GALNT13: variants seen among roughly 807,000 people sequenced by gnomAD.
GALNT13 encodes the protein polypeptide N-acetylgalactosaminyltransferase 13.
GALNT13 carries 28 observed loss-of-function variants against 64.2 expected under a neutral mutation model. That is an observed-to-expected ratio of 0.44 (90% CI 0.32 to 0.60). The LOEUF is 0.60. Among genes scored for constraint, GALNT13 ranks in the 20% least tolerant of loss-of-function variants. The pLI is 0.05. For missense variants in GALNT13, 577 were observed against 669.8 expected (o/e 0.86, Z 1.53); for synonymous variants, 214 against 224.6 (o/e 0.95, Z 0.42).
intron 4 of GALNT13, among the ~76,000 whole-genome samples, chr2:154,173,542 T>C (rs543471008): frequency 6.6e-6 from 1 of 151,758 alleles, no homozygotes; most frequent in East Asian, 1.9e-4. Context: ...CAAAGAAAAA[T>C]AGACAAATGA....
the GALNT13 span, among the ~76,000 whole-genome samples, chr2:153,122,201 T>C: frequency 6.6e-6 from 1 of 151,926 alleles, no homozygotes; most frequent in Non-Finnish European, 1.5e-5. Context: ...ACTTTACCTA[T>C]TGTTTACTGT....
At chr2:154,001,814 G>A (rs1695928360) in intron 3 of GALNT13, among the ~76,000 whole-genome samples, 1 of 151,978 alleles carries the variant, frequency 6.6e-6, no homozygotes, top group African/African-American at 2.4e-5. Flanking sequence ...TCAAATGGAA[G>A]GACTCCTTTT....
the GALNT13 span, among the ~76,000 whole-genome samples, chr2:153,118,147 C>CACACACACACA: frequency 0.11 from 15,044 of 140,098 alleles, 1,138 homozygotes; most frequent in African/African-American, 0.14. Context: ...ACACACACAC[C>CACACACACACA]CCACATAAAC....
At chr2:153,678,176 TCCA>T in the GALNT13 span, among the ~76,000 whole-genome samples, 1 of 138,176 alleles carries the variant, frequency 7.2e-6, no homozygotes, top group South Asian at 2.2e-4. Context: ...TATATATATA[TCCA>T]ATATATCCAA....
intron 7 of GALNT13, among the ~76,000 whole-genome samples, chr2:154,250,004 G>C (rs913099509): frequency 2.0e-5 from 3 of 151,996 alleles, no homozygotes; most frequent in African/African-American, 7.2e-5. Context: ...ATTCTAGTGT[G>C]ATCATAGAAG....
chr2:153,408,846 G>A, the GALNT13 span, among the ~76,000 whole-genome samples: 1 of 152,074 alleles, frequency 6.6e-6, no homozygotes, highest in East Asian at 1.9e-4. Flanking sequence ...TGCCAAAGGA[G>A]CTTAACATTT....
the GALNT13 span, among the ~76,000 whole-genome samples, chr2:153,342,682 C>G: frequency 6.6e-6 from 1 of 152,180 alleles, no homozygotes; most frequent in Non-Finnish European, 1.5e-5. Flanking sequence ...TTTTCTCCCT[C>G]CTCTTCCTGC....
In GALNT13 at chr2:154,113,684, C is replaced by CCAAT. The variant is rs368049285; in HGVS notation, c.143-26650_143-26647dup. Among the ~76,000 whole-genome samples the CCAAT allele has an allele frequency of 2.5e-3, 374 of 152,282 alleles. 3 individuals are homozygous for CCAAT. The highest frequency in any genetic ancestry group is 8.2e-3 in the African/African-American group (341 of 41,558). ...GTTTGCTGCTTCTTGCTCACTGGATCCAATCAGCATAATGTCATCAATGTA... is the reference window on the plus strand; with the variant it reads ...GTTTGCTGCTTCTTGCTCACTGGATCCAATCAATCAGCATAATGTCATCAATGTA... On this transcript the variant is annotated intron_variant, in intron 3 of 12. Transcript: ENST00000392825.
chr2:154,318,414 G>C (rs1039101437), intron 9 of GALNT13, among the ~76,000 whole-genome samples: 1 of 152,130 alleles, frequency 6.6e-6, no homozygotes. Context: ...GGATGTGGTA[G>C]CTTAAAGAAA....
chr2:153,597,833 G>A, the GALNT13 span, among the ~76,000 whole-genome samples: 7 of 152,144 alleles, frequency 4.6e-5, no homozygotes, highest in South Asian at 1.4e-3. Flanking sequence ...TAGGCACATG[G>A]AAAGATGCTT....
chr2:153,589,968 A>C, the GALNT13 span, among the ~76,000 whole-genome samples: 1 of 152,216 alleles, frequency 6.6e-6, no homozygotes, highest in Non-Finnish European at 1.5e-5. Context: ...CTAGAAAAGC[A>C]AGAGCAAATC....
upstream of GALNT13, among the ~76,000 whole-genome samples, chr2:153,871,330 C>T (rs922777260): frequency 6.6e-6 from 1 of 152,146 alleles, no homozygotes; most frequent in Non-Finnish European, 1.5e-5. Context: ...CAGTAGTCAC[C>T]GCCAACCAGA....
chr2:153,566,634 G>A, the GALNT13 span, among the ~76,000 whole-genome samples: 1 of 152,170 alleles, frequency 6.6e-6, no homozygotes, highest in Admixed American at 6.5e-5. Context: ...GATTACAGGC[G>A]TGAGCCACTG....
At chr2:153,475,408 G>A in the GALNT13 span, among the ~76,000 whole-genome samples, 1 of 152,296 alleles carries the variant, frequency 6.6e-6, no homozygotes, top group African/African-American at 2.4e-5. Context: ...TTCTGGGGGT[G>A]AGAGAATAAA....
chr2:153,485,628 C>T, the GALNT13 span, among the ~76,000 whole-genome samples: 5 of 152,252 alleles, frequency 3.3e-5, no homozygotes, highest in African/African-American at 1.2e-4. Flanking sequence ...CTGGGCCAGG[C>T]ACACTGACTG....
the GALNT13 span, among the ~76,000 whole-genome samples, chr2:153,242,381 G>GAAAGGA: frequency 6.6e-6 from 1 of 152,072 alleles, no homozygotes; most frequent in South Asian, 2.1e-4. Flanking sequence ...AAGAAAGAAA[G>GAAAGGA]AAAGGAAAAG....
intron 2 of GALNT13, among the ~76,000 whole-genome samples, chr2:153,933,669 T>A (rs2105361776): frequency 6.6e-6 from 1 of 152,254 alleles, no homozygotes; most frequent in East Asian, 1.9e-4. Flanking sequence ...ATCATGTAGG[T>A]GTTTTATAGC....
chr2:153,146,645 T>G, the GALNT13 span, among the ~76,000 whole-genome samples: 1 of 151,966 alleles, frequency 6.6e-6, no homozygotes, highest in Middle Eastern at 3.4e-3. Flanking sequence ...AGTCAGCCAG[T>G]CTTCTTGAAT....
the GALNT13 span, among the ~76,000 whole-genome samples, chr2:153,252,902 G>A: frequency 0.8 from 121,064 of 151,876 alleles, 49,377 homozygotes; most frequent in Non-Finnish European, 0.86. Context: ...GTCAGGTAGC[G>A]TGATGCCTCC....
Sources: gnomAD v4.1 joint callset for allele counts (sites outside exome capture counted in the v4.1 genomes callset) on GRCh38, gnomAD v4.1.1 for gene constraint, MANE v1.5 for transcripts, NCBI Gene and HGNC (gene_info 2026-07-23, HGNC 2026-07-21) for gene names.